The following ATF7IP variants were observed in gnomAD, a reference collection of about 807,000 sequenced individuals.
ATF7IP encodes activating transcription factor 7 interacting protein.
In ATF7IP, 23 loss-of-function variants were observed where a neutral mutation model predicts 106.4. The observed-to-expected ratio is 0.22, with a 90% CI of 0.16 to 0.31. The LOEUF is 0.31. Among genes scored for constraint, ATF7IP ranks in the 10% least tolerant of loss-of-function variants. The probability of loss-of-function intolerance (pLI) is 1.00; values close to 1 mark genes in which losing one functional copy is unlikely to be tolerated. For missense variants in ATF7IP, 1,334 were observed against 1,524.3 expected, an observed-to-expected ratio of 0.88 and a Z score of 2.08; for synonymous variants, 542 against 539.0, an observed-to-expected ratio of 1.01 and a Z score of -0.08.
intron 6 of ATF7IP, among the ~76,000 whole-genome samples, chr12:14,454,733 G>A (rs1767632794): frequency 6.6e-6 from 1 of 152,124 alleles, no homozygotes; most frequent in East Asian, 1.9e-4. Flanking sequence ...GGGACTTCCT[G>A]TTCTGACATG....
In ATF7IP at chr12:14,424,267, A is replaced by T; in HGVS notation, c.352A>T (p.Thr118Ser). ...TGAACCTTTGTCTCCCCATAATATA[A>T]CTCCAGAACCAGTCTCTAAACTGCC... ...NCEPLSPHNI[T>S]PEPVSKLPAE... is the part of the protein sequence containing the mutation. Residue 118 changes from threonine to serine, a missense_variant, in exon 2 of 15, where the codon ACT (threonine) becomes TCT (serine). Around this residue, in one of 10 missense-constraint regions of ATF7IP, gnomAD observed 438 missense variants for 405.3 expected, o/e 1.08. Transcript: ENST00000261168. 1.2e-6 allele frequency: 2 copies of T among 1,614,018 alleles called. No homozygotes were observed. The highest frequency in any genetic ancestry group is 1.7e-6 in the Non-Finnish European group (2 of 1,180,006).
chr12:14,499,333 T>C lies in ATF7IP; in HGVS notation c.*1260T>C, dbSNP rs1945102091. On this transcript the variant is annotated 3_prime_UTR_variant, in exon 15 of 15. Transcript: ENST00000261168. ...TTTTATTTTTGGTCACTATTTAACTTTGTGTAAAGTGGACCAAGAGAAAAC... is the reference window on the plus strand; with the variant it reads ...TTTTATTTTTGGTCACTATTTAACTCTGTGTAAAGTGGACCAAGAGAAAAC... The C allele has an allele frequency of 6.6e-6, 1 of 152,218 alleles. No homozygotes were observed. The highest frequency in any genetic ancestry group is 2.1e-4 in the South Asian group (1 of 4,836). 9.4% of individuals were successfully genotyped at this position (152,218 alleles called of 1,614,324 possible).
chr12:14,446,667 TA>T (rs1030201173), intron 5 of ATF7IP, among the ~76,000 whole-genome samples: 1 of 152,126 alleles, frequency 6.6e-6, no homozygotes, highest in Non-Finnish European at 1.5e-5. Flanking sequence ...ACAACTGTGT[TA>T]AAAAAATAAC....
intron 13 of ATF7IP, among the ~76,000 whole-genome samples, chr12:14,489,547 G>A (rs1221108553): frequency 8.5e-5 from 13 of 152,080 alleles, no homozygotes; most frequent in Admixed American, 8.5e-4. Flanking sequence ...CCTCTGATTC[G>A]TGGACCCATG....
intron 9 of ATF7IP, among the ~76,000 whole-genome samples, chr12:14,463,999 A>G (rs1041551471): frequency 6.6e-6 from 1 of 152,210 alleles, no homozygotes; most frequent in African/African-American, 2.4e-5. Context: ...TTCATTAAAC[A>G]TCTTGTTCTA....
At chr12:14,461,729 T>G (rs1943644449) in intron 9 of ATF7IP, among the ~76,000 whole-genome samples, 1 of 152,166 alleles carries the variant, frequency 6.6e-6, no homozygotes, top group African/African-American at 2.4e-5. Flanking sequence ...TTATACCTGT[T>G]TAAAATCTGC....
rs1302141284 is a variant in ATF7IP at position 14,500,265 on chromosome 12, G to A, written c.*2192G>A. On this transcript the variant is annotated 3_prime_UTR_variant, in exon 15 of 15. Transcript: ENST00000261168. The stretch of plus-strand genomic sequence containing the variant: ...TAAAGAAAACTCTTTAGAGACTTTT[G>A]ACTGGTCAGTATACTGAGGTGTGAG... 6.6e-6 allele frequency: 1 copy of A among 152,118 alleles called. No individual in the cohort carries two copies. The highest frequency in any genetic ancestry group is 2.4e-5 in the African/African-American group (1 of 41,418). The allele number at this position is 152,118 out of a possible 1,614,324, so 9.4% of individuals were successfully genotyped here.
At chr12:14,380,887 T>C (rs1938976336) in intron 1 of ATF7IP, among the ~76,000 whole-genome samples, 1 of 152,180 alleles carries the variant, frequency 6.6e-6, no homozygotes, top group South Asian at 2.1e-4. Context: ...CCCAAAGTGC[T>C]GGGATTACAG....
intron 6 of ATF7IP, among the ~76,000 whole-genome samples, chr12:14,448,727 A>C (rs755258381): frequency 6.6e-6 from 1 of 152,156 alleles, no homozygotes; most frequent in Non-Finnish European, 1.5e-5. Context: ...AGGAGCCCCC[A>C]TTCTGTTCTT....
At chr12:14,447,112 A>G in intron 6 of ATF7IP, 59 bp downstream of exon 6, 1 of 1,332,000 alleles carries the variant, frequency 7.5e-7, no homozygotes, top group Non-Finnish European at 1.0e-6. Flanking sequence ...ATCTTAGGAA[A>G]TGCTGAATTA....
At chr12:14,406,982 G>A (rs772802753) in intron 1 of ATF7IP, among the ~76,000 whole-genome samples, 6 of 152,132 alleles carry the variant, frequency 3.9e-5, no homozygotes, top group African/African-American at 1.4e-4. Flanking sequence ...TGGATTACTC[G>A]TATAATTTTT....
chr12:14,401,276 A>G (rs1591794415), intron 1 of ATF7IP, among the ~76,000 whole-genome samples: 2 of 104,160 alleles, frequency 1.9e-5, no homozygotes, highest in South Asian at 3.0e-4. Flanking sequence ...GCTCACTGCA[A>G]CCTCCGCCTC....
intron 1 of ATF7IP, among the ~76,000 whole-genome samples, chr12:14,393,196 G>T (rs926366959): frequency 6.6e-6 from 1 of 152,156 alleles, no homozygotes; most frequent in African/African-American, 2.4e-5. Flanking sequence ...ATGGTTGGAT[G>T]CATGATACAG....
chr12:14,455,245 C>T (rs994374675), intron 6 of ATF7IP, among the ~76,000 whole-genome samples: 20 of 150,934 alleles, frequency 1.3e-4, no homozygotes, highest in Admixed American at 6.6e-5. Flanking sequence ...TCCCTAAAAG[C>T]TTTTCTTTTT....
At chr12:14,416,824 G>A in intron 1 of ATF7IP, 2 of 789,866 alleles carry the variant, frequency 2.5e-6, no homozygotes, top group Non-Finnish European at 3.1e-6. Context: ...TTTCGGCTTT[G>A]AGCCAATCAG....
rs540026606 is a variant in ATF7IP, at chr12:14,378,299, T to C, written c.-8+12472T>C. On this transcript the variant is annotated intron_variant, in intron 1 of 14. Coordinates refer to ENST00000261168, the MANE Select transcript of ATF7IP (RefSeq NM_018179.5). ...TTTAAGTAGAGATGGAGTTTTGCCA[T>C]GTTGGCCAGGCTGGTCTCCAACTCC... 4.6e-5 allele frequency among the ~76,000 whole-genome samples: 7 copies of C among 151,954 alleles called. No individual in the cohort carries two copies. In the East Asian group the frequency reaches 9.8e-4, roughly 21 times the overall value.
chr12:14,371,900 A>G (rs1205869248), intron 1 of ATF7IP, among the ~76,000 whole-genome samples: 1 of 152,100 alleles, frequency 6.6e-6, no homozygotes, highest in Non-Finnish European at 1.5e-5. Flanking sequence ...TCACATGTAT[A>G]AAGAAGCTTG....
intron 1 of ATF7IP, among the ~76,000 whole-genome samples, chr12:14,376,453 A>G (rs908180324): frequency 3.3e-5 from 5 of 152,264 alleles, no homozygotes; most frequent in Non-Finnish European, 4.4e-5. Flanking sequence ...GTGTTGATTT[A>G]AAATACAGAA....
chr12:14,486,817 T>C (rs547210695), intron 13 of ATF7IP, among the ~76,000 whole-genome samples: 1 of 152,046 alleles, frequency 6.6e-6, no homozygotes, highest in South Asian at 2.1e-4. Context: ...ATTTTGTAGT[T>C]CAGTGACTAA....
Sources: allele counts gnomAD v4.1 joint callset (sites outside exome capture counted in the v4.1 genomes callset), GRCh38; gene constraint gnomAD v4.1.1; regional missense constraint gnomAD v4.1.1; transcripts MANE v1.5; gene names NCBI Gene and HGNC (gene_info 2026-07-23, HGNC 2026-07-21).